Variants in KCNG2 observed in about 807,000 individuals in gnomAD.
The protein encoded by KCNG2 is voltage-gated potassium channel regulatory subunit KCNG2.
In KCNG2, 7 loss-of-function variants were observed where a neutral mutation model predicts 12.3. That is an observed-to-expected ratio of 0.57 (90% confidence interval 0.32 to 1.07). The LOEUF (loss-of-function observed/expected upper bound fraction) is 1.07. Among genes scored for constraint, KCNG2 ranks in the 50% least tolerant of loss-of-function variants. The pLI is 0.04. For synonymous variants in KCNG2, 414 were observed against 351.4 expected (o/e 1.18, Z -1.99); for missense variants, 703 against 726.0 (o/e 0.97, Z 0.36).
At chr18:79,826,755 C>T (rs1978286427) in intron 1 of KCNG2, among the ~76,000 whole-genome samples, 1 of 143,024 alleles carries the variant, frequency 7.0e-6, no homozygotes, top group Non-Finnish European at 1.5e-5. Context: ...TGAGCAGCTC[C>T]TCACGGAAGG....
chr18:79,838,569 C>A (rs924390588), intron 1 of KCNG2, among the ~76,000 whole-genome samples: 3 of 152,074 alleles, frequency 2.0e-5, no homozygotes, highest in African/African-American at 7.2e-5. Flanking sequence ...CACCACCATG[C>A]CCAGCTAATT....
At chr18:79,807,670 G>A (rs920481430) in intron 1 of KCNG2, among the ~76,000 whole-genome samples, 2 of 152,198 alleles carry the variant, frequency 1.3e-5, no homozygotes, top group Non-Finnish European at 2.9e-5. Context: ...CAGCTGTGAA[G>A]CCCCCACCTC....
In KCNG2 at chr18:79,800,511, G is replaced by A. The variant is rs560866063; in HGVS notation, c.-115+2497G>A. Among the ~76,000 whole-genome samples the A allele has an allele frequency of 4.7e-4, 72 of 152,304 alleles. No homozygotes were observed. Among genetic ancestry groups the A allele is most frequent in the Non-Finnish European group, 7.5e-4 (51 of 68,020 alleles). On this transcript the variant is annotated intron_variant, in intron 1 of 3. Coordinates refer to ENST00000316249, the MANE Select transcript of KCNG2 (RefSeq NM_012283.2). The surrounding 1 kb of genome is among the most constrained non-coding windows in gnomAD (Gnocchi z 4.0). ...AGACCCCCTTCCTCAGATGAGGCTT[G>A]GGAGGCAGGATCTCGGCCCCCTAAA...
intron 1 of KCNG2, among the ~76,000 whole-genome samples, chr18:79,826,824 CG>C (rs1978286491): frequency 6.7e-6 from 1 of 150,164 alleles, no homozygotes; most frequent in Non-Finnish European, 1.5e-5. Flanking sequence ...CAGCTCCTCA[CG>C]GAAGGTTAGT....
chr18:79,893,539 G>C (rs149287533), intron 3 of KCNG2, among the ~76,000 whole-genome samples: 1 of 151,746 alleles, frequency 6.6e-6, no homozygotes, highest in South Asian at 2.1e-4. Context: ...CTAATGGTTC[G>C]ATTGATATAG....
At chr18:79,890,796 G>A (rs1357035438) in intron 3 of KCNG2, among the ~76,000 whole-genome samples, 2 of 152,156 alleles carry the variant, frequency 1.3e-5, no homozygotes, top group African/African-American at 4.8e-5. Context: ...CGTTTCTGTA[G>A]TTTGTTTTTC....
chr18:79,856,984 C>T (rs1979031145), intron 2 of KCNG2, among the ~76,000 whole-genome samples: 1 of 147,936 alleles, frequency 6.8e-6, no homozygotes, highest in Non-Finnish European at 1.5e-5. Context: ...ATGCCCTGCT[C>T]CAGCCCTTCT....
intron 3 of KCNG2, among the ~76,000 whole-genome samples, chr18:79,867,943 C>CCG (rs1979675030): frequency 1.3e-5 from 2 of 152,130 alleles, no homozygotes; most frequent in South Asian, 4.1e-4. Flanking sequence ...GGCCCGAGTG[C>CCG]CAATCTGACT....
intron 3 of KCNG2, among the ~76,000 whole-genome samples, chr18:79,867,595 T>TG (rs562435260): frequency 0.14 from 11,093 of 81,906 alleles, 753 homozygotes; most frequent in Middle Eastern, 0.18. Flanking sequence ...GTGTCGTGTC[T>TG]GGGGGGGGAC....
chr18:79,827,177 C>T (rs1470013825), intron 1 of KCNG2, among the ~76,000 whole-genome samples: 1 of 152,182 alleles, frequency 6.6e-6, no homozygotes, highest in Non-Finnish European at 1.5e-5. Context: ...CAGGTGCGCC[C>T]CCACATGGTC....
At chr18:79,816,012 TC>T (rs1239191464) in intron 1 of KCNG2, 4 of 152,280 alleles carry the variant, frequency 2.6e-5, no homozygotes, top group African/African-American at 4.8e-5. Context: ...GGTATTTTTT[TC>T]TTTGCTTTTA....
intron 3 of KCNG2, among the ~76,000 whole-genome samples, chr18:79,879,101 A>G (rs1013567485): frequency 6.6e-6 from 1 of 152,350 alleles, no homozygotes; most frequent in African/African-American, 2.4e-5. Context: ...TGCAGGAGTC[A>G]TTGAGGGAGA....
chr18:79,855,022 G>A (rs1460445378), intron 1 of KCNG2, among the ~76,000 whole-genome samples: 4 of 151,768 alleles, frequency 2.6e-5, no homozygotes, highest in Admixed American at 6.6e-5. Context: ...ATTCTCTGGG[G>A]GTTTTTTTGT....
chr18:79,885,090 C>G (rs113740910), intron 3 of KCNG2, among the ~76,000 whole-genome samples: 13 of 152,214 alleles, frequency 8.5e-5, no homozygotes, highest in Non-Finnish European at 1.8e-4. Context: ...AGGGCAGAAG[C>G]TGCCAGGAGA....
chr18:79,853,387 G>A (rs912530386), intron 1 of KCNG2, among the ~76,000 whole-genome samples: 32 of 152,140 alleles, frequency 2.1e-4, no homozygotes, highest in Non-Finnish European at 7.4e-5. Flanking sequence ...AGGGGTCACC[G>A]TAGGCGTCAC....
intron 1 of KCNG2, among the ~76,000 whole-genome samples, chr18:79,831,605 G>T (rs1269313404): frequency 1.5e-5 from 2 of 130,414 alleles, no homozygotes; most frequent in Admixed American, 7.6e-5. Flanking sequence ...CAGAGCCTTC[G>T]TCAGGAGCGT....
At chr18:79,874,881 C>T (rs1220672175) in intron 3 of KCNG2, among the ~76,000 whole-genome samples, 1 of 152,192 alleles carries the variant, frequency 6.6e-6, no homozygotes, top group East Asian at 1.9e-4. Context: ...CCCTCTTCCC[C>T]ATCGCCATTC....
intron 3 of KCNG2, among the ~76,000 whole-genome samples, chr18:79,879,978 G>GA: frequency 6.6e-6 from 1 of 152,198 alleles, no homozygotes; most frequent in East Asian, 1.9e-4. Context: ...CATTCTATGA[G>GA]AAAAAAATGT....
Position 79,884,321 on chromosome 18 carries a change from GAC to G in KCNG2, c.625-14712_625-14711del, listed in dbSNP as rs1475091878. On this transcript the variant is annotated intron_variant, in intron 3 of 3. Transcript: ENST00000316249. The surrounding 1 kb of genome is among the most constrained non-coding windows in gnomAD (Gnocchi z 5.5). ...TCGCCCCATCTAGGTCCCACCTAAT[GAC>G]ACACACTCCCGTTCTCAGTCCTTCA... Among the ~76,000 whole-genome samples the G allele has an allele frequency of 2.0e-5, 3 of 151,456 alleles. No individual in the cohort carries two copies. In the East Asian group the frequency reaches 5.8e-4, roughly 29 times the overall value.
Sources: allele counts gnomAD v4.1 joint callset (sites outside exome capture counted in the v4.1 genomes callset), GRCh38; gene constraint gnomAD v4.1.1; non-coding constraint Gnocchi (gnomAD v3.1); transcripts MANE v1.5; gene names NCBI Gene and HGNC (gene_info 2026-07-23, HGNC 2026-07-21).